Variants in WWOX observed in about 807,000 individuals in gnomAD.
WWOX encodes WW domain containing oxidoreductase.
WWOX carries 69 observed loss-of-function variants against 46.2 expected under a neutral mutation model. The observed-to-expected ratio is 1.49, with a 90% CI of 1.23 to 1.82. WWOX has a LOEUF of 1.82. WWOX is among the 40% of genes most tolerant of loss of function. The pLI is 0.00. For synonymous variants in WWOX, 359 were observed against 202.6 expected (o/e 1.77, Z -6.56); for missense variants, 919 against 542.6 (o/e 1.69, Z -6.89).
intron 8 of WWOX, among the ~76,000 whole-genome samples, chr16:78,649,461 A>T (rs1351202329): frequency 1.3e-5 from 2 of 151,610 alleles, no homozygotes; most frequent in Non-Finnish European, 2.9e-5. Context: ...TGAAAAAAAA[A>T]TGGTGGGGTA....
chr16:79,120,260 G>A (rs558032051), intron 8 of WWOX, among the ~76,000 whole-genome samples: 2 of 152,172 alleles, frequency 1.3e-5, no homozygotes, highest in African/African-American at 4.8e-5. Flanking sequence ...GCTAGGAACA[G>A]ACATTCAGGT....
At chr16:78,420,842 A>G (rs779825866) in intron 6 of WWOX, among the ~76,000 whole-genome samples, 33 of 152,152 alleles carry the variant, frequency 2.2e-4, no homozygotes, top group Non-Finnish European at 4.1e-4. Context: ...GAAAATACCA[A>G]AAACCATAAA....
At chr16:78,778,057 A>C (rs1212979452) in intron 8 of WWOX, among the ~76,000 whole-genome samples, 2 of 151,962 alleles carry the variant, frequency 1.3e-5, no homozygotes, top group African/African-American at 4.8e-5. Flanking sequence ...AAAAAAAAAA[A>C]AAAAAAAGAC....
chr16:79,162,154 A>T (rs944398745), intron 8 of WWOX, among the ~76,000 whole-genome samples: 1 of 152,310 alleles, frequency 6.6e-6, no homozygotes, highest in Admixed American at 6.5e-5. Flanking sequence ...CTGGTTTTGC[A>T]CAAGTGTTTT....
chr16:78,853,175 G>A (rs2052489177), intron 8 of WWOX, among the ~76,000 whole-genome samples: 1 of 152,072 alleles, frequency 6.6e-6, no homozygotes, highest in Non-Finnish European at 1.5e-5. Context: ...GCCATGTATA[G>A]CCATGGCAAA....
At chr16:79,126,950 G>A (rs1231960732) in intron 8 of WWOX, among the ~76,000 whole-genome samples, 1 of 152,012 alleles carries the variant, frequency 6.6e-6, no homozygotes, top group Non-Finnish European at 1.5e-5. Flanking sequence ...TATCACAGTT[G>A]CCTAGAGAAG....
intron 8 of WWOX, among the ~76,000 whole-genome samples, chr16:79,088,973 A>G (rs1203513384): frequency 1.3e-5 from 2 of 152,312 alleles, no homozygotes; most frequent in African/African-American, 2.4e-5. Flanking sequence ...ATGAGGGAGT[A>G]TAGGATGAAC....
intron 6 of WWOX, among the ~76,000 whole-genome samples, chr16:78,405,905 C>G (rs2082518880): frequency 6.6e-6 from 1 of 152,066 alleles, no homozygotes; most frequent in African/African-American, 2.4e-5. Flanking sequence ...CCCTGTCACG[C>G]CATCTTATCT....
chr16:78,741,212 C>T (rs551323923), intron 8 of WWOX, among the ~76,000 whole-genome samples: 1 of 152,282 alleles, frequency 6.6e-6, no homozygotes, highest in South Asian at 2.1e-4. Context: ...TATTATAATC[C>T]TGTAACAGAA....
chr16:78,821,886 CT>C (rs900842421), intron 8 of WWOX, among the ~76,000 whole-genome samples: 5 of 151,674 alleles, frequency 3.3e-5, no homozygotes, highest in African/African-American at 7.3e-5. Context: ...TTAAAATAAA[CT>C]TTTTTTTTAA....
At chr16:78,629,199 A>G (rs935275930) in intron 8 of WWOX, among the ~76,000 whole-genome samples, 1 of 151,796 alleles carries the variant, frequency 6.6e-6, no homozygotes, top group African/African-American at 2.4e-5. Flanking sequence ...GCCATTTTAA[A>G]GACTCTGAAA....
chr16:78,304,942 C>T (rs774081651), intron 5 of WWOX, among the ~76,000 whole-genome samples: 2 of 150,722 alleles, frequency 1.3e-5, no homozygotes, highest in Admixed American at 6.6e-5. Flanking sequence ...CTTTTCCCTT[C>T]TTCCTCTTTT....
chr16:78,214,462 G>A (rs547670331), intron 5 of WWOX, among the ~76,000 whole-genome samples: 4 of 152,242 alleles, frequency 2.6e-5, no homozygotes, highest in South Asian at 2.1e-4. Context: ...CTCTGTGGTC[G>A]CTGTCTGCAC....
chr16:78,452,882 C>CATACATACATAA, intron 8 of WWOX, among the ~76,000 whole-genome samples: 1 of 122,538 alleles, frequency 8.2e-6, no homozygotes, highest in African/African-American at 3.9e-5. Context: ...TATATATATA[C>CATACATACATAA]ATATTTTTGA....
At chr16:78,680,405 G>A (rs908104627) in intron 8 of WWOX, among the ~76,000 whole-genome samples, 2 of 152,000 alleles carry the variant, frequency 1.3e-5, no homozygotes, top group African/African-American at 2.4e-5. Flanking sequence ...ATGGTGTCAC[G>A]TGCCTGTAGT....
chr16:78,939,092 C>G (rs544588089), intron 8 of WWOX, among the ~76,000 whole-genome samples: 1 of 152,314 alleles, frequency 6.6e-6, no homozygotes, highest in South Asian at 2.1e-4. Flanking sequence ...GGGCTTTAGA[C>G]AGGACAGTGG....
At chr16:79,036,919 T>A (rs1375561550) in intron 8 of WWOX, among the ~76,000 whole-genome samples, 1 of 152,212 alleles carries the variant, frequency 6.6e-6, no homozygotes, top group Non-Finnish European at 1.5e-5. Context: ...TAAGTGGTTC[T>A]GAAGATACGT....
At chr16:79,194,457 G>C (rs892033696) in intron 8 of WWOX, among the ~76,000 whole-genome samples, 1 of 152,160 alleles carries the variant, frequency 6.6e-6, no homozygotes, top group Non-Finnish European at 1.5e-5. Flanking sequence ...ATGAAGAAAG[G>C]TTCTGGTTAT....
chr16:78,548,322 T>C (rs1233217632), intron 8 of WWOX, among the ~76,000 whole-genome samples: 2 of 136,638 alleles, frequency 1.5e-5, no homozygotes, highest in Non-Finnish European at 3.2e-5. Context: ...TCATGTATTT[T>C]ATTAATTTTT....
Sources: gnomAD v4.1 joint callset for allele counts (sites outside exome capture counted in the v4.1 genomes callset) on GRCh38, gnomAD v4.1.1 for gene constraint, MANE v1.5 for transcripts, NCBI Gene and HGNC (gene_info 2026-07-23, HGNC 2026-07-21) for gene names.